The following TDRD1 variants were observed in gnomAD, a reference collection of about 807,000 sequenced individuals.
The protein encoded by TDRD1 is tudor domain-containing protein 1.
Under a neutral mutation model 140.6 loss-of-function variants are expected in TDRD1, and 37 were observed. That is an observed-to-expected ratio of 0.26 (90% CI 0.20 to 0.35). TDRD1 has a LOEUF of 0.35. Among genes scored for constraint, TDRD1 ranks in the 10% least tolerant of loss-of-function variants. TDRD1 has a pLI of 1.00. For missense variants in TDRD1, 1,243 were observed against 1,393.0 expected (o/e 0.89, Z 1.71); for synonymous variants, 506 against 475.7 (o/e 1.06, Z -0.83).
chr10:114,205,729 G>T (rs560027361), intron 10 of TDRD1, among the ~76,000 whole-genome samples: 1 of 152,294 alleles, frequency 6.6e-6, no homozygotes, highest in African/African-American at 2.4e-5. Context: ...GTAGTCAGGG[G>T]CTGGGAGTAG....
upstream of TDRD1, among the ~76,000 whole-genome samples, chr10:114,178,409 T>C (rs1052682897): frequency 6.6e-6 from 1 of 152,168 alleles, no homozygotes; most frequent in African/African-American, 2.4e-5. Flanking sequence ...AGAAGCTATA[T>C]AAGATCAAAA....
chr10:114,206,033 T>G (rs770549454), intron 10 of TDRD1, among the ~76,000 whole-genome samples: 22 of 152,112 alleles, frequency 1.4e-4, no homozygotes, highest in Non-Finnish European at 2.4e-4. Context: ...AGAGAAAAAA[T>G]TCTGTCAAGT....
chr10:114,222,649 A>G, exon 21 of TDRD1: 1 of 1,613,762 alleles, frequency 6.2e-7, no homozygotes, highest in Non-Finnish European at 8.5e-7. Flanking sequence ...TGCTCCGAAA[A>G]GTCGACCACC....
chr10:114,179,360 A>G (rs1157242466), exon 1 of TDRD1: 3 of 152,702 alleles, frequency 2.0e-5, no homozygotes, highest in African/African-American at 7.2e-5. Flanking sequence ...GGCAGTCGCC[A>G]TCACCGCCAG....
At chr10:114,192,870 G>A (rs540447147) in intron 3 of TDRD1, among the ~76,000 whole-genome samples, 1 of 152,104 alleles carries the variant, frequency 6.6e-6, no homozygotes, top group East Asian at 1.9e-4. Flanking sequence ...TTGAAATTGG[G>A]AAAAGTGATT....
At chr10:114,227,758 T>A in intron 23 of TDRD1, 152 bp from the exon 24 acceptor site, 1 of 629,510 alleles carries the variant, frequency 1.6e-6, no homozygotes, top group East Asian at 2.7e-5. Context: ...ACCATGGTAG[T>A]AGATAATCTC....
chr10:114,218,354 G>GTT, intron 17 of TDRD1, 60 bp from the exon 18 acceptor site: 10 of 1,222,866 alleles, frequency 8.2e-6, no homozygotes, highest in Non-Finnish European at 1.1e-5. Flanking sequence ...TTCAAGATAA[G>GTT]TATTTCAAGT....
chr10:114,184,563 C>T (rs570733239), intron 1 of TDRD1, among the ~76,000 whole-genome samples: 1 of 152,346 alleles, frequency 6.6e-6, no homozygotes, highest in South Asian at 2.1e-4. Flanking sequence ...AGAAGCCCCC[C>T]TCAGGAGAAC....
chr10:114,197,764 C>T (rs1412841958), intron 3 of TDRD1, among the ~76,000 whole-genome samples: 1 of 151,712 alleles, frequency 6.6e-6, no homozygotes, highest in African/African-American at 2.4e-5. Context: ...TTCAAGCGAT[C>T]CTTGTGCCTC....
At chr10:114,205,973 A>C (rs942042371) in intron 10 of TDRD1, among the ~76,000 whole-genome samples, 2 of 152,180 alleles carry the variant, frequency 1.3e-5, no homozygotes, top group Non-Finnish European at 2.9e-5. Flanking sequence ...TGTAACCTAT[A>C]AATATGTACA....
At chr10:114,190,139 G>A (rs958608163) in intron 2 of TDRD1, among the ~76,000 whole-genome samples, 10 of 152,052 alleles carry the variant, frequency 6.6e-5, no homozygotes, top group South Asian at 2.1e-4. Context: ...TGAGTTGAAG[G>A]CAAAAGCTGT....
intron 1 of TDRD1, among the ~76,000 whole-genome samples, chr10:114,182,003 A>G (rs1439959075): frequency 1.3e-5 from 2 of 152,304 alleles, no homozygotes; most frequent in East Asian, 1.9e-4. Flanking sequence ...AATAAATTCC[A>G]AAAGGTTTTA....
At chr10:114,180,714 C>A (rs2032983574) in intron 1 of TDRD1, among the ~76,000 whole-genome samples, 2 of 152,172 alleles carry the variant, frequency 1.3e-5, no homozygotes. Context: ...ATCCGCCCAC[C>A]TCGGCCTCCA....
exon 7 of TDRD1, chr10:114,203,106 C>T: frequency 3.7e-6 from 6 of 1,613,746 alleles, no homozygotes; most frequent in Non-Finnish European, 4.2e-6. Flanking sequence ...AAGGAAATAG[C>T]CATTTGGGCT....
chr10:114,230,649 A>G (rs1336872987), intron 25 of TDRD1, among the ~76,000 whole-genome samples: 2 of 152,250 alleles, frequency 1.3e-5, no homozygotes, highest in African/African-American at 4.8e-5. Flanking sequence ...GCATGAAACT[A>G]GAGGGTTACA....
At chr10:114,229,207 G>A (rs888103086) in intron 25 of TDRD1, among the ~76,000 whole-genome samples, 3 of 152,128 alleles carry the variant, frequency 2.0e-5, no homozygotes, top group Admixed American at 6.6e-5. Context: ...TACTTAATAT[G>A]TGCACTTTTG....
chr10:114,189,171 C>T (rs1387250878), intron 2 of TDRD1, among the ~76,000 whole-genome samples: 1 of 152,200 alleles, frequency 6.6e-6, no homozygotes, highest in Non-Finnish European at 1.5e-5. Context: ...GAAATGCCAA[C>T]TTCAGTTAAA....
chr10:114,227,569 G>A (rs931797996), intron 23 of TDRD1, among the ~76,000 whole-genome samples: 12 of 152,166 alleles, frequency 7.9e-5, no homozygotes, highest in African/African-American at 2.7e-4. Context: ...GGCATTCTGC[G>A]TGCTTCTTAT....
intron 10 of TDRD1, among the ~76,000 whole-genome samples, chr10:114,205,319 C>A (rs2035027845): frequency 6.6e-6 from 1 of 152,192 alleles, no homozygotes; most frequent in African/African-American, 2.4e-5. Context: ...CCCTTCTGGC[C>A]TTTCACCTGT....
Sources: allele counts gnomAD v4.1 joint callset (sites outside exome capture counted in the v4.1 genomes callset), GRCh38; gene constraint gnomAD v4.1.1; transcripts MANE v1.5; gene names NCBI Gene and HGNC (gene_info 2026-07-23, HGNC 2026-07-21).